The following DPF3 variants were observed in gnomAD, a reference collection of about 807,000 sequenced individuals.
DPF3 encodes zinc finger protein DPF3.
DPF3 carries 18 observed loss-of-function variants against 56.8 expected under a neutral mutation model. That is an observed-to-expected ratio of 0.32 (90% CI 0.22 to 0.47). The LOEUF is 0.47. DPF3 is among the 20% of genes least tolerant of loss of function. The pLI, the probability that DPF3 is intolerant of heterozygous loss-of-function variation, is 1.00. For synonymous variants in DPF3, 188 were observed against 180.2 expected, an observed-to-expected ratio of 1.04 and a Z score of -0.35; for missense variants, 403 against 488.8, an observed-to-expected ratio of 0.82 and a Z score of 1.65.
At chr14:72,632,590 A>AGGAAGGAG (rs2153567246) in intron 8 of DPF3, among the ~76,000 whole-genome samples, 2 of 146,464 alleles carry the variant, frequency 1.4e-5, no homozygotes, top group Admixed American at 1.4e-4. Flanking sequence ...GGAGAGAGAG[A>AGGAAGGAG]GGAAGGAGGG....
chr14:72,779,781 A>G (rs1331499418), intron 1 of DPF3, among the ~76,000 whole-genome samples: 1 of 152,206 alleles, frequency 6.6e-6, no homozygotes, highest in Admixed American at 6.5e-5. Flanking sequence ...TTGTGGCATG[A>G]CCCTCTGCCT....
At chr14:72,633,786 G>A (rs1885294663) in intron 8 of DPF3, among the ~76,000 whole-genome samples, 1 of 152,174 alleles carries the variant, frequency 6.6e-6, no homozygotes, top group Non-Finnish European at 1.5e-5. Context: ...TCTGTGAGGA[G>A]GGGCCGGGGG....
At chr14:72,823,383 CT>C (rs1168612328) in intron 1 of DPF3, among the ~76,000 whole-genome samples, 2 of 152,194 alleles carry the variant, frequency 1.3e-5, no homozygotes, top group Non-Finnish European at 2.9e-5. Context: ...AGAAGGAGAC[CT>C]TCACTGCAGC....
intron 1 of DPF3, among the ~76,000 whole-genome samples, chr14:72,782,654 G>A (rs1238043429): frequency 1.3e-5 from 2 of 152,140 alleles, no homozygotes; most frequent in Non-Finnish European, 2.9e-5. Context: ...CCAACACAGT[G>A]AAATCCCGTC....
intron 2 of DPF3, among the ~76,000 whole-genome samples, chr14:72,766,250 A>T (rs1463030780): frequency 6.6e-6 from 1 of 152,148 alleles, no homozygotes; most frequent in Non-Finnish European, 1.5e-5. Flanking sequence ...AAATAGATAC[A>T]CTTTTTTATA....
rs555215026 is a variant in DPF3, at chr14:72,683,561, T to C, written c.743-9193A>G. 9.2e-5 allele frequency among the ~76,000 whole-genome samples: 14 copies of C among 152,264 alleles called. No homozygotes were observed. The South Asian group carries it at 2.1e-3, about 23-fold the overall frequency. Reference sequence around the variant, plus strand: ...ATGCCATTAATGATCTGATGTTACATAGTGATCCATGAGGCATATGGAGGC... The same window carrying C: ...ATGCCATTAATGATCTGATGTTACACAGTGATCCATGAGGCATATGGAGGC... On this transcript the variant is annotated intron_variant, in intron 7 of 10. Coordinates refer to ENST00000556509, the MANE Select transcript of DPF3 (RefSeq NM_001280542.3).
Position 72,724,009 on chromosome 14 carries a change from C to A in DPF3, c.430-281G>T, listed in dbSNP as rs1889290572. On this transcript the variant is annotated intron_variant, in intron 4 of 10. Coordinates refer to ENST00000556509, the MANE Select transcript of DPF3 (RefSeq NM_001280542.3). ...CCAAGAAGAGTTTTCTAACAAGAGA[C>A]TATGCTGGTAGGGGCCCTTTTCTAT... 4 of 307,442 alleles carry A rather than the reference C, an allele frequency of 1.3e-5. No homozygotes were observed. In the South Asian group the frequency reaches 2.7e-4, roughly 21 times the overall value. 19.0% of individuals were successfully genotyped at this position (307,442 alleles called of 1,614,324 possible).
At position 72,885,127 on chromosome 14, in the gene DPF3, A is replaced by G. The variant is rs182929481; in HGVS notation, c.32+8930T>C. Among the ~76,000 whole-genome samples, 421 of 143,098 alleles carry G rather than the reference A, an allele frequency of 2.9e-3. 3 individuals are homozygous for G. The highest frequency in any genetic ancestry group is 0.01 in the African/African-American group (405 of 39,484). The allele number at this position is 143,098 out of a possible 152,430, so 93.9% of individuals were successfully genotyped here. A position where few individuals can be genotyped will look rare whatever the true frequency, so the allele number is the denominator to read the frequency against. ...GGCGACAGAGCGAGACTCCGTCTCA[A>G]AAAAAAAAAACAGGAAGGGGGATAT... On this transcript the variant is annotated intron_variant, in intron 1 of 10. Transcript: ENST00000556509.
At chr14:72,692,152 T>C (rs1265481401) in intron 7 of DPF3, among the ~76,000 whole-genome samples, 2 of 152,208 alleles carry the variant, frequency 1.3e-5, no homozygotes, top group South Asian at 4.1e-4. Flanking sequence ...AGTCTGAATA[T>C]TTTAAACGTC....
At chr14:72,798,890 T>C (rs965462763) in intron 1 of DPF3, among the ~76,000 whole-genome samples, 2 of 152,218 alleles carry the variant, frequency 1.3e-5, no homozygotes, top group Admixed American at 6.5e-5. Context: ...TCCAGGCATA[T>C]CAGGGCTTAC....
chr14:72,684,229 T>A (rs1887302280), intron 7 of DPF3, among the ~76,000 whole-genome samples: 1 of 152,048 alleles, frequency 6.6e-6, no homozygotes. Context: ...GTATTTTTAG[T>A]AGAGATGGGG....
At chr14:72,760,805 C>T (rs919429177) in intron 2 of DPF3, among the ~76,000 whole-genome samples, 1 of 152,116 alleles carries the variant, frequency 6.6e-6, no homozygotes, top group Admixed American at 6.5e-5. Context: ...ATGTAAAAAG[C>T]ATAACACAAC....
intron 1 of DPF3, among the ~76,000 whole-genome samples, chr14:72,893,117 C>A (rs1439153434): frequency 6.6e-6 from 1 of 152,134 alleles, no homozygotes; most frequent in Admixed American, 6.5e-5. Flanking sequence ...CCCACTCTGT[C>A]CAGGATCTGG....
chr14:72,666,945 T>A (rs1886467978), intron 8 of DPF3, among the ~76,000 whole-genome samples: 1 of 152,170 alleles, frequency 6.6e-6, no homozygotes, highest in Non-Finnish European at 1.5e-5. Context: ...GGGATAAAAT[T>A]AATTAATTTT....
rs1883693920 is a variant in DPF3 at position 72,611,081 on chromosome 14, C to T, written c.*8216G>A. 6.6e-6 allele frequency among the ~76,000 whole-genome samples: 1 copy of T among 152,188 alleles called. No individual in the cohort carries two copies. The highest frequency in any genetic ancestry group is 2.1e-4 in the South Asian group (1 of 4,822). ...ATTCTCCTCACTGGGAGTCATGTGC[C>T]ATCCAGGGCCCCAGAGGAGCCTTCC... On this transcript the variant is annotated 3_prime_UTR_variant, in exon 11 of 11. Transcript: ENST00000556509.
At chr14:72,696,503 A>G (rs1887903213) in intron 6 of DPF3, among the ~76,000 whole-genome samples, 1 of 152,230 alleles carries the variant, frequency 6.6e-6, no homozygotes, top group Non-Finnish European at 1.5e-5. Flanking sequence ...TTATATGTTG[A>G]CATATACATA....
At chr14:72,743,014 C>T (rs536711516) in intron 3 of DPF3, among the ~76,000 whole-genome samples, 4 of 152,174 alleles carry the variant, frequency 2.6e-5, no homozygotes, top group South Asian at 2.1e-4. Context: ...AAGCCACTGT[C>T]GTCTTCGGGG....
intron 4 of DPF3, among the ~76,000 whole-genome samples, chr14:72,727,727 A>G (rs565852248): frequency 2.6e-5 from 4 of 152,286 alleles, no homozygotes; most frequent in African/African-American, 9.6e-5. Flanking sequence ...GAATATGAGT[A>G]GAGAGGATAG....
intron 1 of DPF3, among the ~76,000 whole-genome samples, chr14:72,800,522 T>C (rs1004813610): frequency 7.4e-6 from 1 of 135,138 alleles, no homozygotes; most frequent in Non-Finnish European, 1.6e-5. Flanking sequence ...GGATGGATGG[T>C]TGCATGGATG....
Sources: allele counts gnomAD v4.1 joint callset (sites outside exome capture counted in the v4.1 genomes callset), GRCh38; gene constraint gnomAD v4.1.1; transcripts MANE v1.5; gene names NCBI Gene and HGNC (gene_info 2026-07-23, HGNC 2026-07-21).